RPH3A: variants seen among roughly 807,000 people sequenced by gnomAD.
RPH3A encodes the protein rabphilin 3A.
RPH3A carries 48 observed loss-of-function variants against 102.2 expected under a neutral mutation model. The observed-to-expected ratio is 0.47, with a 90% confidence interval of 0.37 to 0.60. The LOEUF (loss-of-function observed/expected upper bound fraction) is 0.60, where lower values mean the gene tolerates loss of function less well. Among genes scored for constraint, RPH3A ranks in the 20% least tolerant of loss-of-function variants. The pLI, the probability that RPH3A is intolerant of heterozygous loss-of-function variation, is 0.00. For synonymous variants in RPH3A, 310 were observed against 324.3 expected, an observed-to-expected ratio of 0.96 and a Z score of 0.47; for missense variants, 781 against 910.1, an observed-to-expected ratio of 0.86 and a Z score of 1.83.
chr12:112,710,554 T>G (rs1290325956), intron 1 of RPH3A, among the ~76,000 whole-genome samples: 2 of 152,162 alleles, frequency 1.3e-5, no homozygotes, highest in Non-Finnish European at 2.9e-5. Flanking sequence ...ATATTTGTAG[T>G]GTTGTGACAC....
chr12:112,608,615 G>A (rs1388250075), intron 1 of RPH3A, among the ~76,000 whole-genome samples: 3 of 152,168 alleles, frequency 2.0e-5, no homozygotes, highest in South Asian at 4.1e-4. Context: ...CAGATGCCAC[G>A]ACTTAAGACC....
At chr12:112,620,837 C>G (rs1259661038) in intron 1 of RPH3A, among the ~76,000 whole-genome samples, 1 of 152,120 alleles carries the variant, frequency 6.6e-6, no homozygotes, top group Non-Finnish European at 1.5e-5. Context: ...TACTCCACAT[C>G]CAATTCATCA....
chr12:112,805,299 T>C (rs982627025), intron 2 of RPH3A, among the ~76,000 whole-genome samples: 8 of 151,726 alleles, frequency 5.3e-5, no homozygotes, highest in Non-Finnish European at 1.0e-4. Context: ...TAACATTTAG[T>C]GTGTGTACGA....
intron 1 of RPH3A, among the ~76,000 whole-genome samples, chr12:112,675,698 G>T (rs913676097): frequency 1.3e-5 from 2 of 152,142 alleles, no homozygotes; most frequent in African/African-American, 4.8e-5. Context: ...TTATGACTCT[G>T]GTTGTATCTG....
At chr12:112,894,811 G>C in intron 20 of RPH3A, 152 bp downstream of exon 20, 1 of 727,640 alleles carries the variant, frequency 1.4e-6, no homozygotes, top group Non-Finnish European at 2.2e-6. Flanking sequence ...AAAAATATTT[G>C]AGAACATGCT....
chr12:112,701,135 T>C (rs1332317405), intron 1 of RPH3A, among the ~76,000 whole-genome samples: 1 of 152,200 alleles, frequency 6.6e-6, no homozygotes, highest in Non-Finnish European at 1.5e-5. Context: ...AAACTTTTCT[T>C]TATCTCTTTT....
intron 1 of RPH3A, among the ~76,000 whole-genome samples, chr12:112,755,428 G>A (rs990803345): frequency 1.3e-5 from 2 of 151,964 alleles, no homozygotes; most frequent in Admixed American, 1.3e-4. Context: ...CTCTGATGGT[G>A]TTATACAGGC....
At chr12:112,873,221 G>C (rs1262716230) in intron 10 of RPH3A, among the ~76,000 whole-genome samples, 1 of 152,170 alleles carries the variant, frequency 6.6e-6, no homozygotes, top group Non-Finnish European at 1.5e-5. Context: ...GGGTCATACT[G>C]ATCCAATCCA....
chr12:112,848,807 G>A (rs1251678507), intron 5 of RPH3A, among the ~76,000 whole-genome samples: 1 of 152,106 alleles, frequency 6.6e-6, no homozygotes, highest in Admixed American at 6.5e-5. Context: ...GGCTGGAGCT[G>A]GGGGACTGGG....
At chr12:112,879,732 G>C (rs1228446890) in intron 14 of RPH3A, among the ~76,000 whole-genome samples, 1 of 152,222 alleles carries the variant, frequency 6.6e-6, no homozygotes, top group Non-Finnish European at 1.5e-5. Context: ...AAAAAGCTGG[G>C]TGAAGCCAGT....
chr12:112,616,233 G>A (rs970295507), intron 1 of RPH3A, among the ~76,000 whole-genome samples: 2 of 152,172 alleles, frequency 1.3e-5, no homozygotes, highest in Admixed American at 6.5e-5. Flanking sequence ...TGCAACCTCC[G>A]CCTCCCGGGT....
intron 1 of RPH3A, among the ~76,000 whole-genome samples, chr12:112,709,997 C>T (rs948341834): frequency 1.2e-4 from 19 of 152,014 alleles, no homozygotes; most frequent in South Asian, 4.2e-4. Context: ...TTTTTTGAGA[C>T]GGAGTCTTAC....
chr12:112,846,731 A>G (rs2042234933), intron 4 of RPH3A, among the ~76,000 whole-genome samples: 4 of 152,182 alleles, frequency 2.6e-5, no homozygotes. Flanking sequence ...CACTCCAGTG[A>G]TGCATCTCAG....
At chr12:112,888,888 C>A (rs1366688158) in intron 17 of RPH3A, among the ~76,000 whole-genome samples, 2 of 152,194 alleles carry the variant, frequency 1.3e-5, no homozygotes, top group African/African-American at 4.8e-5. Flanking sequence ...TTCAGGCTGC[C>A]TTGCCTTACG....
At chr12:112,808,215 G>A (rs2041505777) in intron 2 of RPH3A, among the ~76,000 whole-genome samples, 1 of 152,242 alleles carries the variant, frequency 6.6e-6, no homozygotes, top group Non-Finnish European at 1.5e-5. Flanking sequence ...GGCAGGGAAG[G>A]TGTGGAGGCT....
Position 112,734,061 on chromosome 12 carries a change from G to A in RPH3A, c.-139-58082G>A, listed in dbSNP as rs1002632900. ...CTCATTATACAGATGAAAAAAACGA[G>A]GTCCAAAGGGGGAAGTCACTTGCCC... On this transcript the variant is annotated intron_variant, in intron 1 of 21. Transcript: ENST00000543106. 2.0e-5 allele frequency among the ~76,000 whole-genome samples: 3 copies of A among 152,086 alleles called. 1 individual carries two copies.
chr12:112,858,266 C>CAAAAAAAAAAAAAAAAAAAAAAAAA (rs1164602599), intron 5 of RPH3A, among the ~76,000 whole-genome samples: 15 of 44,778 alleles, frequency 3.3e-4, no homozygotes, highest in East Asian at 7.1e-4. Flanking sequence ...GACCCTGTCT[C>CAAAAAAAAAAAAAAAAAAAAAAAAA]AAAAAAAAAA....
At chr12:112,819,716 T>C (rs1221987721) in intron 2 of RPH3A, among the ~76,000 whole-genome samples, 1 of 152,254 alleles carries the variant, frequency 6.6e-6, no homozygotes, top group East Asian at 1.9e-4. Flanking sequence ...GTGTCTGTGG[T>C]CATCCTGTAT....
intron 1 of RPH3A, among the ~76,000 whole-genome samples, chr12:112,600,265 A>G (rs938925882): frequency 6.6e-6 from 1 of 152,196 alleles, no homozygotes; most frequent in Admixed American, 6.5e-5. Context: ...GGCATACTGC[A>G]AGGTGCTCTC....
Sources: gnomAD v4.1 joint callset for allele counts (sites outside exome capture counted in the v4.1 genomes callset) on GRCh38, gnomAD v4.1.1 for gene constraint, MANE v1.5 for transcripts, NCBI Gene and HGNC (gene_info 2026-07-23, HGNC 2026-07-21) for gene names.